Variants in PUDP observed in about 807,000 individuals in gnomAD.
PUDP encodes pseudouridine 5'-phosphatase.
Under a neutral mutation model 9.4 loss-of-function variants are expected in PUDP, and 8 were observed. The ratio of observed to expected loss-of-function variants is 0.85; its 90% CI spans 0.50 to 1.53. PUDP has a LOEUF of 1.53. Ranked by LOEUF, PUDP falls within the 40% of genes most tolerant of loss-of-function variation. PUDP has a pLI of 0.00. For missense variants in PUDP, 188 were observed against 189.7 expected (o/e 0.99, Z 0.05); for synonymous variants, 99 against 80.7 (o/e 1.23, Z -1.22).
rs952710515 is a variant in PUDP, at chrX:6,896,181, AT to A, written c.*247+80951del. Among the ~76,000 whole-genome samples the A allele has an allele frequency of 5.4e-5, 6 of 110,982 alleles. No individual in the cohort carries two copies. In the Admixed American group the frequency reaches 5.8e-4, roughly 11 times the overall value. On this transcript the variant is annotated intron_variant and NMD_transcript_variant, in intron 3 of 3. Transcript: ENST00000655425. ...AGTTTATATTATAGGCTGAAACTTG[AT>A]TTTTTTTCTTTAGCAGCAGATTATT...
chrX:6,912,963 A>C (rs1927870901), intron 3 of PUDP, among the ~76,000 whole-genome samples: 1 of 112,108 alleles, frequency 8.9e-6, no homozygotes, highest in African/African-American at 3.2e-5. Context: ...TATCATAAAC[A>C]CTTTTCCAAG....
intron 1 of PUDP, among the ~76,000 whole-genome samples, chrX:6,996,098 A>T (rs1929246159): frequency 9.0e-6 from 1 of 111,063 alleles, no homozygotes; most frequent in Admixed American, 9.7e-5. Context: ...ATATGGGCAA[A>T]TACATACACT....
chrX:6,924,440 C>T (rs775328384), intron 3 of PUDP, among the ~76,000 whole-genome samples: 21 of 112,249 alleles, frequency 1.9e-4, no homozygotes, highest in African/African-American at 6.1e-4. Context: ...TATCCTTTAC[C>T]TGAAATGCTT....
upstream of PUDP, among the ~76,000 whole-genome samples, chrX:6,726,339 G>A (rs754875143): frequency 9.0e-6 from 1 of 111,479 alleles, no homozygotes; most frequent in South Asian, 3.8e-4. Context: ...TAAATAGGAG[G>A]AATAAGTTTC....
chrX:6,750,190 T>A (rs1313124638), intron 3 of PUDP, among the ~76,000 whole-genome samples: 5 of 111,852 alleles, frequency 4.5e-5, no homozygotes, highest in African/African-American at 1.3e-4. Flanking sequence ...AAAGGCTGGA[T>A]CTGCATTTCA....
intron 3 of PUDP, among the ~76,000 whole-genome samples, chrX:7,072,674 C>T (rs1307155031): frequency 2.7e-5 from 3 of 109,238 alleles, no homozygotes; most frequent in Non-Finnish European, 3.8e-5. Flanking sequence ...ATTAGCCGGG[C>T]GTGGTGGCGT....
At chrX:7,063,500 G>A (rs1040771785) in intron 3 of PUDP, among the ~76,000 whole-genome samples, 6 of 111,852 alleles carry the variant, frequency 5.4e-5, no homozygotes, top group South Asian at 3.8e-4. Flanking sequence ...TTTGAAATGC[G>A]TTCACACACC....
At chrX:6,867,594 C>T (rs756679330) in intron 3 of PUDP, among the ~76,000 whole-genome samples, 14 of 108,932 alleles carry the variant, frequency 1.3e-4, no homozygotes, top group Non-Finnish European at 1.7e-4. Context: ...GTAGTGGTGA[C>T]GGTGTTGTTG....
At chrX:6,751,017 C>A (rs1925068081) in intron 3 of PUDP, among the ~76,000 whole-genome samples, 1 of 109,984 alleles carries the variant, frequency 9.1e-6, no homozygotes, top group Non-Finnish European at 1.9e-5. Flanking sequence ...TGGTGGGCGC[C>A]TGTAGTCCCA....
chrX:7,143,471 C>T (rs1173094172), intron 1 of PUDP, among the ~76,000 whole-genome samples: 2 of 111,923 alleles, frequency 1.8e-5, no homozygotes, highest in East Asian at 5.6e-4. Flanking sequence ...ATTTGTGTTG[C>T]CAGCTGGACA....
At chrX:7,109,946 T>C (rs1229353519) in intron 1 of PUDP, among the ~76,000 whole-genome samples, 1 of 112,444 alleles carries the variant, frequency 8.9e-6, no homozygotes, top group Non-Finnish European at 1.9e-5. Context: ...TTAGGAGAAT[T>C]AGAAAATATC....
intron 1 of PUDP, among the ~76,000 whole-genome samples, chrX:7,039,507 G>A (rs1465359363): frequency 9.0e-6 from 1 of 111,298 alleles, no homozygotes; most frequent in African/African-American, 3.3e-5. Context: ...AATCCAATAG[G>A]ACTGGTTTCC....
chrX:6,916,246 A>ACACACACCCACC (rs1555916573), intron 3 of PUDP, among the ~76,000 whole-genome samples: 1 of 71,553 alleles, frequency 1.4e-5, no homozygotes, highest in African/African-American at 6.7e-5. Context: ...ACACACACAC[A>ACACACACCCACC]CACCCTGGGG....
At chrX:6,881,374 C>T (rs1927344134) in intron 3 of PUDP, among the ~76,000 whole-genome samples, 1 of 112,010 alleles carries the variant, frequency 8.9e-6, no homozygotes, top group African/African-American at 3.2e-5. Flanking sequence ...AACAGTCTCT[C>T]TGTTTATAAT....
At chrX:7,037,293 C>T (rs1929866595) in intron 1 of PUDP, among the ~76,000 whole-genome samples, 1 of 111,854 alleles carries the variant, frequency 8.9e-6, no homozygotes. Context: ...TTTTACAGAA[C>T]ATTTTAATGT....
At chrX:7,064,716 A>T (rs1324953809) in intron 3 of PUDP, among the ~76,000 whole-genome samples, 1 of 111,130 alleles carries the variant, frequency 9.0e-6, no homozygotes, top group African/African-American at 3.3e-5. Context: ...TCCCAGGAAG[A>T]CCTCCAACAG....
At chrX:7,042,831 C>T (rs1929939981) in intron 1 of PUDP, among the ~76,000 whole-genome samples, 2 of 111,760 alleles carry the variant, frequency 1.8e-5, no homozygotes, top group Admixed American at 9.5e-5. Flanking sequence ...TGCCCAGAGC[C>T]GTTCTGTCAT....
chrX:7,142,174 C>T (rs1235775728), intron 1 of PUDP, among the ~76,000 whole-genome samples: 2 of 111,866 alleles, frequency 1.8e-5, no homozygotes, highest in Non-Finnish European at 3.8e-5. Flanking sequence ...TTATAGATGC[C>T]ATAGATAGTG....
intron 3 of PUDP, among the ~76,000 whole-genome samples, chrX:6,744,498 C>G (rs1924974913): frequency 9.0e-6 from 1 of 111,494 alleles, no homozygotes; most frequent in Non-Finnish European, 1.9e-5. Flanking sequence ...TATATATTAC[C>G]CTGGTAAAAC....
Sources: allele counts gnomAD v4.1 joint callset (sites outside exome capture counted in the v4.1 genomes callset), GRCh38; gene constraint gnomAD v4.1.1; transcripts MANE v1.5; gene names NCBI Gene and HGNC (gene_info 2026-07-23, HGNC 2026-07-21).